Variants in MTA3 observed in about 807,000 individuals in gnomAD.
MTA3 encodes the protein metastasis-associated protein MTA3.
MTA3 carries 34 observed loss-of-function variants against 83.5 expected under a neutral mutation model. The observed-to-expected ratio is 0.41, with a 90% CI of 0.31 to 0.54. MTA3 has a LOEUF of 0.54. Ranked by LOEUF, MTA3 falls within the 20% of genes least tolerant of loss-of-function variation. MTA3 has a pLI of 0.33. For synonymous variants in MTA3, 303 were observed against 252.7 expected (o/e 1.20, Z -1.89); for missense variants, 761 against 726.4 (o/e 1.05, Z -0.55).
chr2:42,691,034 G>C (rs1419630857), intron 9 of MTA3, among the ~76,000 whole-genome samples: 1 of 151,520 alleles, frequency 6.6e-6, no homozygotes, highest in Non-Finnish European at 1.5e-5. Context: ...ACACCACCAT[G>C]CCCAGCTAAT....
intron 2 of MTA3, among the ~76,000 whole-genome samples, chr2:42,573,138 C>G (rs1678678009): frequency 6.6e-6 from 1 of 152,222 alleles, no homozygotes; most frequent in Admixed American, 6.5e-5. Flanking sequence ...TTCCTCCAGA[C>G]TTCTCTGAGG....
At chr2:42,592,638 C>G (rs898609450) in intron 3 of MTA3, among the ~76,000 whole-genome samples, 1 of 152,056 alleles carries the variant, frequency 6.6e-6, no homozygotes, top group Non-Finnish European at 1.5e-5. Context: ...AAAACATAAA[C>G]ATATATATTA....
intron 8 of MTA3, among the ~76,000 whole-genome samples, chr2:42,669,805 C>G (rs1179292324): frequency 1.3e-5 from 2 of 152,058 alleles, no homozygotes; most frequent in Non-Finnish European, 2.9e-5. Flanking sequence ...CAGCCTTTTA[C>G]TTTTTCTCCT....
At chr2:42,502,990 A>T (rs1674467077) in intron 2 of MTA3, among the ~76,000 whole-genome samples, 1 of 150,170 alleles carries the variant, frequency 6.7e-6, no homozygotes, top group South Asian at 2.1e-4. Flanking sequence ...ATAAAACATT[A>T]AAAAAAAAGG....
intron 2 of MTA3, among the ~76,000 whole-genome samples, chr2:42,515,304 C>A (rs768679164): frequency 3.5e-4 from 53 of 151,772 alleles, no homozygotes; most frequent in Non-Finnish European, 5.3e-4. Flanking sequence ...GGTGATCTGC[C>A]CACCTCAGCC....
intron 6 of MTA3, among the ~76,000 whole-genome samples, chr2:42,649,508 G>A (rs1207825762): frequency 1.3e-5 from 2 of 152,076 alleles, no homozygotes; most frequent in Non-Finnish European, 2.9e-5. Context: ...CTTAAAACTT[G>A]TATTAACTCA....
chr2:42,680,351 G>A (rs1339541085), intron 8 of MTA3: 1 of 152,250 alleles, frequency 6.6e-6, no homozygotes, highest in Non-Finnish European at 1.5e-5. Flanking sequence ...ACCTTGACTG[G>A]TGGCGGGCTT....
At chr2:42,637,065 G>A (rs569427646) in intron 4 of MTA3, among the ~76,000 whole-genome samples, 98 of 152,268 alleles carry the variant, frequency 6.4e-4, no homozygotes, top group African/African-American at 2.1e-3. Flanking sequence ...GCTGATCAGC[G>A]CCTGCTGTTG....
At chr2:42,547,328 T>G (rs1420444841) in intron 2 of MTA3, among the ~76,000 whole-genome samples, 1 of 152,244 alleles carries the variant, frequency 6.6e-6, no homozygotes, top group Non-Finnish European at 1.5e-5. Context: ...GCTCTGCGTT[T>G]GCCTTATTAT....
intron 2 of MTA3, among the ~76,000 whole-genome samples, chr2:42,505,792 G>A (rs555284001): frequency 3.5e-4 from 49 of 140,602 alleles, no homozygotes; most frequent in African/African-American, 1.3e-3. Context: ...TTTTTGAGAT[G>A]GAGTCTCGCT....
At chr2:42,583,945 G>C (rs1356783489) in intron 3 of MTA3, among the ~76,000 whole-genome samples, 2 of 151,810 alleles carry the variant, frequency 1.3e-5, no homozygotes, top group Non-Finnish European at 2.9e-5. Flanking sequence ...CCAGGTTCAA[G>C]CGATTCTCCT....
intron 16 of MTA3, among the ~76,000 whole-genome samples, chr2:42,737,308 C>G (rs998085164): frequency 6.6e-6 from 1 of 152,190 alleles, no homozygotes; most frequent in African/African-American, 2.4e-5. Context: ...GTTCCAACTG[C>G]TGGGATGAGC....
At chr2:42,653,865 G>T (rs1688930579) in intron 6 of MTA3, among the ~76,000 whole-genome samples, 1 of 152,140 alleles carries the variant, frequency 6.6e-6, no homozygotes, top group Non-Finnish European at 1.5e-5. Context: ...CATTTCTTGT[G>T]TGTTATTTAA....
At chr2:42,615,939 C>G (rs959426372) in intron 4 of MTA3, among the ~76,000 whole-genome samples, 2 of 151,884 alleles carry the variant, frequency 1.3e-5, no homozygotes, top group South Asian at 2.1e-4. Context: ...CCAGGATGTT[C>G]TTGATCTCCT....
At chr2:42,616,129 C>T (rs1221158618) in intron 4 of MTA3, among the ~76,000 whole-genome samples, 6 of 150,764 alleles carry the variant, frequency 4.0e-5, no homozygotes, top group South Asian at 4.2e-4. Flanking sequence ...GGTGTGATCT[C>T]GGCTCACTGC....
At chr2:42,523,633 C>T (rs1184265331) in intron 2 of MTA3, among the ~76,000 whole-genome samples, 1 of 152,118 alleles carries the variant, frequency 6.6e-6, no homozygotes, top group African/African-American at 2.4e-5. Context: ...TAACTTATGG[C>T]TGGGTGCAGT....
chr2:42,622,866 G>A (rs541748861), intron 4 of MTA3, among the ~76,000 whole-genome samples: 174 of 152,156 alleles, frequency 1.1e-3, no homozygotes, highest in African/African-American at 4.0e-3. Flanking sequence ...CAAAAGTGCT[G>A]GAGGACTTAC....
chr2:42,670,744 CTATA>C (rs34128430), intron 8 of MTA3, among the ~76,000 whole-genome samples: 2 of 146,036 alleles, frequency 1.4e-5, no homozygotes, highest in Admixed American at 6.9e-5. Context: ...AACTCTAACA[CTATA>C]TATATATATA....
chr2:42,748,578 G>A (rs1404503070), intron 16 of MTA3, among the ~76,000 whole-genome samples: 1 of 152,002 alleles, frequency 6.6e-6, no homozygotes, highest in Non-Finnish European at 1.5e-5. Context: ...TGCCCACCTT[G>A]TCACCCATTA....
Sources: allele counts gnomAD v4.1 joint callset (sites outside exome capture counted in the v4.1 genomes callset), GRCh38; gene constraint gnomAD v4.1.1; transcripts MANE v1.5; gene names NCBI Gene and HGNC (gene_info 2026-07-23, HGNC 2026-07-21).